Variants in TMEM38B observed in about 807,000 individuals in gnomAD.
TMEM38B encodes the protein trimeric intracellular cation channel type B.
TMEM38B carries 24 observed loss-of-function variants against 28.7 expected under a neutral mutation model. That is an observed-to-expected ratio of 0.84 (90% CI 0.61 to 1.18). The LOEUF is 1.18. Among genes scored for constraint, TMEM38B ranks in the 50% most tolerant of loss-of-function variants. The pLI, the probability that TMEM38B is intolerant of heterozygous loss-of-function variation, is 0.00. For synonymous variants in TMEM38B, 131 were observed against 127.7 expected, an observed-to-expected ratio of 1.03 and a Z score of -0.17; for missense variants, 380 against 350.9, an observed-to-expected ratio of 1.08 and a Z score of -0.66.
chr9:105,758,114 C>A (rs758217516), intron 5 of TMEM38B: 28 of 474,626 alleles, frequency 5.9e-5, no homozygotes, highest in Non-Finnish European at 1.0e-4. Context: ...GGCCGCTGGG[C>A]CTGAGTGTTG....
intron 5 of TMEM38B, among the ~76,000 whole-genome samples, chr9:105,754,987 A>G (rs1359465206): frequency 1.3e-5 from 2 of 152,228 alleles, no homozygotes; most frequent in Non-Finnish European, 2.9e-5. Flanking sequence ...ACTATATACT[A>G]TAAGCAGAGA....
At chr9:105,764,287 A>C (rs1838178360) in intron 5 of TMEM38B, among the ~76,000 whole-genome samples, 1 of 152,216 alleles carries the variant, frequency 6.6e-6, no homozygotes, top group Non-Finnish European at 1.5e-5. Context: ...AGAGGAAGTC[A>C]AATTGTCCCT....
At chr9:105,728,276 T>G (rs1836598047) in intron 4 of TMEM38B, among the ~76,000 whole-genome samples, 2 of 151,402 alleles carry the variant, frequency 1.3e-5, no homozygotes, top group South Asian at 4.2e-4. Context: ...CCGTGTTTGA[T>G]GTTCCCCTCT....
intron 4 of TMEM38B, among the ~76,000 whole-genome samples, chr9:105,725,915 T>G (rs958486426): frequency 2.0e-5 from 3 of 152,184 alleles, no homozygotes; most frequent in Non-Finnish European, 4.4e-5. Context: ...TAGAAAAAAT[T>G]GTTCTTTAAT....
chr9:105,718,441 GT>G (rs1161192746), intron 2 of TMEM38B, among the ~76,000 whole-genome samples: 3 of 152,106 alleles, frequency 2.0e-5, no homozygotes, highest in African/African-American at 7.2e-5. Flanking sequence ...GTTTCTCCAT[GT>G]TTTGTCAGGC....
intron 2 of TMEM38B, among the ~76,000 whole-genome samples, chr9:105,721,296 C>A (rs1380797829): frequency 6.6e-6 from 1 of 152,106 alleles, no homozygotes; most frequent in African/African-American, 2.4e-5. Context: ...ATAAAGTATT[C>A]AGAAGTCCAC....
At chr9:105,722,701 G>A (rs1396344429) in intron 4 of TMEM38B, 80 bp downstream of exon 4, 2 of 1,104,312 alleles carry the variant, frequency 1.8e-6, no homozygotes, top group African/African-American at 1.6e-5. Flanking sequence ...ACATTTTAGG[G>A]ACTTTAAATG....
At chr9:105,764,400 C>G (rs1421242076) in intron 5 of TMEM38B, among the ~76,000 whole-genome samples, 1 of 152,094 alleles carries the variant, frequency 6.6e-6, no homozygotes, top group Non-Finnish European at 1.5e-5. Context: ...GATACAAAAT[C>G]AATGTACAAA....
chr9:105,760,695 T>C lies in TMEM38B; in HGVS notation c.660+12505T>C, dbSNP rs568281304. 7.9e-5 allele frequency: 99 copies of C among 1,257,392 alleles called. No individual in the cohort carries two copies. The South Asian group carries it at 1.1e-3, about 14-fold the overall frequency. The allele number at this position is 1,257,392 out of a possible 1,614,324, so 77.9% of individuals were successfully genotyped here. A position where few individuals can be genotyped will look rare whatever the true frequency, so the allele number is the denominator to read the frequency against. ...AAGCAGCACTTTTTGGTGACAAACCTACAATCAAGCAACCAATGCTGATTT... is the reference window on the plus strand; with the variant it reads ...AAGCAGCACTTTTTGGTGACAAACCCACAATCAAGCAACCAATGCTGATTT... On this transcript the variant is annotated intron_variant, in intron 5 of 5. Coordinates refer to ENST00000374692, the MANE Select transcript of TMEM38B (RefSeq NM_018112.3).
intron 4 of TMEM38B, among the ~76,000 whole-genome samples, chr9:105,723,638 C>G (rs932376476): frequency 6.6e-6 from 1 of 152,072 alleles, no homozygotes; most frequent in African/African-American, 2.4e-5. Context: ...CTCAAGCGAT[C>G]CTTGTACTTT....
intron 5 of TMEM38B, among the ~76,000 whole-genome samples, chr9:105,773,011 GTCT>G (rs1265041939): frequency 3.3e-5 from 5 of 152,082 alleles, no homozygotes; most frequent in Admixed American, 2.6e-4. Flanking sequence ...TTATGTAGGG[GTCT>G]TCTTTGAAAA....
intron 1 of TMEM38B, among the ~76,000 whole-genome samples, chr9:105,705,379 G>A (rs570832404): frequency 6.6e-6 from 1 of 152,262 alleles, no homozygotes; most frequent in South Asian, 2.1e-4. Context: ...TTTTAAAGGT[G>A]CCAAAGTGCC....
At chr9:105,745,906 T>G (rs565500619) in intron 4 of TMEM38B, among the ~76,000 whole-genome samples, 1 of 152,316 alleles carries the variant, frequency 6.6e-6, no homozygotes, top group East Asian at 1.9e-4. Context: ...TGTGGTATTA[T>G]TTCTGAGGGC....
chr9:105,708,655 A>C (rs957730294), intron 2 of TMEM38B, among the ~76,000 whole-genome samples: 4 of 152,112 alleles, frequency 2.6e-5, no homozygotes, highest in South Asian at 2.1e-4. Flanking sequence ...GAATGTTCCA[A>C]CGTAAGGTAT....
At chr9:105,762,148 C>A in intron 5 of TMEM38B, among the ~76,000 whole-genome samples, 1 of 151,926 alleles carries the variant, frequency 6.6e-6, no homozygotes, top group East Asian at 1.9e-4. Flanking sequence ...CATAATATTT[C>A]TCTATAAAGT....
At chr9:105,756,734 A>G (rs1221936275) in intron 5 of TMEM38B, among the ~76,000 whole-genome samples, 18 of 152,180 alleles carry the variant, frequency 1.2e-4, no homozygotes, top group Non-Finnish European at 8.8e-5. Flanking sequence ...TAAAAATAGG[A>G]AAACGTACAA....
At position 105,776,519 on chromosome 9, in the gene TMEM38B, T is replaced by G. The variant is rs1257105216; in HGVS notation, c.*2439T>G. ...ATTAAAATCTACTTCAAATCACAAG[T>G]TGATTACAATTGAGTGGAACATCCC... On this transcript the variant is annotated 3_prime_UTR_variant, in exon 6 of 6. Coordinates refer to ENST00000374692, the MANE Select transcript of TMEM38B (RefSeq NM_018112.3). 1.5e-4 allele frequency: 23 copies of G among 152,130 alleles called. No homozygotes were observed. The highest frequency in any genetic ancestry group is 1.5e-3 in the Admixed American group (23 of 15,262). 9.4% of individuals were successfully genotyped at this position (152,130 alleles called of 1,614,324 possible).
chr9:105,776,482 A>T lies in TMEM38B; in HGVS notation c.*2402A>T, dbSNP rs1826721990. 1 of 152,068 alleles carries T rather than the reference A, an allele frequency of 6.6e-6. No homozygotes were observed. Among genetic ancestry groups the T allele is most frequent in the Admixed American group, 6.6e-5 (1 of 15,260 alleles). The allele number at this position is 152,068 out of a possible 1,614,324, so 9.4% of individuals were successfully genotyped here. A position where few individuals can be genotyped will look rare whatever the true frequency, so the allele number is the denominator to read the frequency against. Reference sequence around the variant, plus strand: ...TTTTTTTGTCTATTCCTTAAAGCCCAGACACCTTTCCATTAAAATCTACTT... The same window carrying T: ...TTTTTTTGTCTATTCCTTAAAGCCCTGACACCTTTCCATTAAAATCTACTT... On this transcript the variant is annotated 3_prime_UTR_variant, in exon 6 of 6. Transcript: ENST00000374692.
At chr9:105,761,505 C>T (rs927137055) in intron 5 of TMEM38B, among the ~76,000 whole-genome samples, 3 of 152,094 alleles carry the variant, frequency 2.0e-5, no homozygotes, top group South Asian at 2.1e-4. Context: ...TCCAGATATG[C>T]GGAGACAGTG....
Sources: allele counts gnomAD v4.1 joint callset (sites outside exome capture counted in the v4.1 genomes callset), GRCh38; gene constraint gnomAD v4.1.1; transcripts MANE v1.5; gene names NCBI Gene and HGNC (gene_info 2026-07-23, HGNC 2026-07-21).